The following CNTLN variants were observed in gnomAD, a reference collection of about 807,000 sequenced individuals.
The protein encoded by CNTLN is centlein, centrosomal protein.
CNTLN carries 212 observed loss-of-function variants against 180.0 expected under a neutral mutation model. That is an observed-to-expected ratio of 1.18 (90% CI 1.05 to 1.32). The LOEUF (loss-of-function observed/expected upper bound fraction) is 1.32. CNTLN is among the 40% of genes most tolerant of loss of function. The probability of loss-of-function intolerance (pLI) is 0.00; values close to 1 mark genes in which losing one functional copy is unlikely to be tolerated. For missense variants in CNTLN, 2,095 were observed against 1,610.9 expected (o/e 1.30, Z -5.14); for synonymous variants, 722 against 563.1 (o/e 1.28, Z -3.99).
chr9:17,385,896 G>T (rs954366291), intron 13 of CNTLN, among the ~76,000 whole-genome samples: 1 of 152,138 alleles, frequency 6.6e-6, no homozygotes, highest in African/African-American at 2.4e-5. Flanking sequence ...GAACAGGAAC[G>T]ACTGTATGTG....
intron 6 of CNTLN, among the ~76,000 whole-genome samples, chr9:17,281,584 G>C (rs1288891047): frequency 3.3e-5 from 5 of 152,098 alleles, no homozygotes; most frequent in African/African-American, 1.2e-4. Context: ...ATGGCTTCCA[G>C]CTCCATCCAT....
intron 1 of CNTLN, among the ~76,000 whole-genome samples, chr9:17,142,856 G>A (rs1818201004): frequency 1.3e-5 from 2 of 152,166 alleles, no homozygotes; most frequent in Non-Finnish European, 1.5e-5. Context: ...CAATATAGAG[G>A]ACCTTGAATA....
intron 25 of CNTLN, among the ~76,000 whole-genome samples, chr9:17,490,309 A>G (rs1019385729): frequency 3.3e-5 from 5 of 152,090 alleles, no homozygotes; most frequent in Non-Finnish European, 7.4e-5. Flanking sequence ...ATTGTGATCT[A>G]CATTCTAATG....
chr9:17,186,647 T>G lies in CNTLN; in HGVS notation c.450-39556T>G, dbSNP rs142363233. 1.6e-3 allele frequency among the ~76,000 whole-genome samples: 240 copies of G among 152,248 alleles called. 1 individual carries two copies. Among genetic ancestry groups the G allele is most frequent in the African/African-American group, 5.6e-3 (231 of 41,544 alleles). ...TGTGATTCTTAGTTTATAGCACACT[T>G]TTAGCTGCTAATCATGTGTATATAT... On this transcript the variant is annotated intron_variant, in intron 2 of 25. Coordinates refer to ENST00000380647, the MANE Select transcript of CNTLN (RefSeq NM_017738.4).
At chr9:17,493,159 G>T (rs925941971) in intron 25 of CNTLN, among the ~76,000 whole-genome samples, 1 of 152,028 alleles carries the variant, frequency 6.6e-6, no homozygotes, top group Non-Finnish European at 1.5e-5. Context: ...GGTGGTGATG[G>T]TTACACAACA....
intron 4 of CNTLN, 105 bp from the exon 5 acceptor site, chr9:17,236,304 A>G: frequency 1.1e-6 from 1 of 913,186 alleles, no homozygotes; most frequent in Non-Finnish European, 1.6e-6. Context: ...AGCTTCTGTG[A>G]GGGTAAAACT....
In CNTLN at chr9:17,216,035, A is replaced by T. The variant is rs1425484521; in HGVS notation, c.450-10168A>T. Reference sequence around the variant, plus strand: ...AGTGCCTCACCCTGCTTTGGCTCACATTCGGTGGGCTGCACCCACTGTCCT... The same window carrying T: ...AGTGCCTCACCCTGCTTTGGCTCACTTTCGGTGGGCTGCACCCACTGTCCT... On this transcript the variant is annotated intron_variant, in intron 2 of 25. Transcript: ENST00000380647. 3.3e-5 allele frequency among the ~76,000 whole-genome samples: 5 copies of T among 152,118 alleles called. No individual in the cohort carries two copies. In the East Asian group the frequency reaches 9.7e-4, roughly 30 times the overall value.
At chr9:17,526,509 T>C in the CNTLN span, among the ~76,000 whole-genome samples, 9 of 152,212 alleles carry the variant, frequency 5.9e-5, no homozygotes, top group African/African-American at 2.2e-4. Flanking sequence ...CATCTCATGC[T>C]AAACATCTCA....
chr9:17,298,116 T>G (rs572124240), intron 6 of CNTLN, 74 bp from the exon 7 acceptor site: 1 of 1,278,978 alleles, frequency 7.8e-7, no homozygotes, highest in African/African-American at 1.5e-5. Flanking sequence ...ATCTGTAACC[T>G]TAGATGAACA....
intron 8 of CNTLN, among the ~76,000 whole-genome samples, chr9:17,312,487 C>T (rs1156770953): frequency 1.3e-5 from 2 of 149,804 alleles, no homozygotes; most frequent in East Asian, 1.9e-4. Context: ...CCTGGGCTCA[C>T]GCCATTCTCC....
intron 2 of CNTLN, among the ~76,000 whole-genome samples, chr9:17,213,953 C>T (rs534004676): frequency 6.6e-6 from 1 of 152,198 alleles, no homozygotes; most frequent in South Asian, 2.1e-4. Flanking sequence ...TGTGTCTTTG[C>T]AGGTGATATG....
downstream of CNTLN, among the ~76,000 whole-genome samples, chr9:17,507,279 A>G (rs10963119): frequency 0.18 from 27,336 of 152,170 alleles, 2,807 homozygotes; most frequent in Non-Finnish European, 0.23. Context: ...GCTTAGGTCA[A>G]TGACTTCTAG....
chr9:17,507,888 T>C (rs141409741), downstream of CNTLN, among the ~76,000 whole-genome samples: 276 of 152,290 alleles, frequency 1.8e-3, 1 homozygote, highest in African/African-American at 6.3e-3. Flanking sequence ...TCCAACACTT[T>C]TTGCCACATT....
At chr9:17,449,312 T>C (rs1192412691) in intron 18 of CNTLN, among the ~76,000 whole-genome samples, 1 of 150,908 alleles carries the variant, frequency 6.6e-6, no homozygotes, top group African/African-American at 2.4e-5. Flanking sequence ...ATGTTCCCCT[T>C]TCTGTGTCCA....
chr9:17,391,604 C>T (rs980049125), intron 14 of CNTLN, among the ~76,000 whole-genome samples: 7 of 152,098 alleles, frequency 4.6e-5, no homozygotes, highest in Admixed American at 2.6e-4. Flanking sequence ...AAAAAAAATG[C>T]TAATTTCCAG....
chr9:17,376,484 C>T (rs1415961890), intron 13 of CNTLN, among the ~76,000 whole-genome samples: 2 of 149,746 alleles, frequency 1.3e-5, no homozygotes, highest in Non-Finnish European at 3.0e-5. Flanking sequence ...CGGAGTCTCG[C>T]TCTGTCCCTG....
chr9:17,493,049 A>G (rs187426386), intron 25 of CNTLN, among the ~76,000 whole-genome samples: 3 of 152,240 alleles, frequency 2.0e-5, no homozygotes, highest in East Asian at 3.9e-4. Flanking sequence ...AGAAAGTAGA[A>G]TGGTGGTTGT....
intron 8 of CNTLN, among the ~76,000 whole-genome samples, chr9:17,324,239 A>G (rs540910377): frequency 1.6e-4 from 24 of 152,318 alleles, no homozygotes; most frequent in African/African-American, 5.3e-4. Context: ...ATACACCACA[A>G]AAAAGTTTAA....
chr9:17,194,735 C>T (rs1822012920), intron 2 of CNTLN, among the ~76,000 whole-genome samples: 1 of 152,134 alleles, frequency 6.6e-6, no homozygotes, highest in East Asian at 1.9e-4. Context: ...TTAAGCAACC[C>T]CCCACTCTAC....
Sources: gnomAD v4.1 joint callset for allele counts (sites outside exome capture counted in the v4.1 genomes callset) on GRCh38, gnomAD v4.1.1 for gene constraint, MANE v1.5 for transcripts, NCBI Gene and HGNC (gene_info 2026-07-23, HGNC 2026-07-21) for gene names.